Variants in PRUNE2 observed in about 807,000 individuals in gnomAD.
PRUNE2 encodes prune homolog 2 with BCH domain, also known as protein prune homolog 2.
PRUNE2 carries 164 observed loss-of-function variants against 252.0 expected under a neutral mutation model. The ratio of observed to expected loss-of-function variants is 0.65; its 90% CI spans 0.57 to 0.74. The LOEUF (loss-of-function observed/expected upper bound fraction) is 0.74. PRUNE2 is among the 30% of genes least tolerant of loss of function. The probability of loss-of-function intolerance (pLI) is 0.00; values close to 1 mark genes in which losing one functional copy is unlikely to be tolerated. For synonymous variants in PRUNE2, 1,292 were observed against 1,350.2 expected (o/e 0.96, Z 0.94); for missense variants, 3,495 against 3,711.0 (o/e 0.94, Z 1.51).
At chr9:76,817,868 C>T (rs894968134) in intron 6 of PRUNE2, 5 of 152,160 alleles carry the variant, frequency 3.3e-5, no homozygotes, top group African/African-American at 1.2e-4. Flanking sequence ...TCAACTTTTA[C>T]TGTAGCAAGG....
At chr9:76,733,960 A>C (rs901126021) in intron 6 of PRUNE2, among the ~76,000 whole-genome samples, 3 of 151,790 alleles carry the variant, frequency 2.0e-5, no homozygotes, top group Non-Finnish European at 2.9e-5. Context: ...GATAACGTTA[A>C]TGATTTCAGT....
At chr9:76,754,254 C>T (rs747962724) in intron 6 of PRUNE2, among the ~76,000 whole-genome samples, 2 of 151,994 alleles carry the variant, frequency 1.3e-5, no homozygotes, top group African/African-American at 2.4e-5. Context: ...TCAGAACCTG[C>T]TAATTTGTGG....
intron 9 of PRUNE2, among the ~76,000 whole-genome samples, chr9:76,677,767 A>T (rs2042860428): frequency 6.6e-6 from 1 of 152,082 alleles, no homozygotes; most frequent in African/African-American, 2.4e-5. Context: ...ACTTTCCTGG[A>T]GAAGTCCAGG....
At chr9:76,642,049 A>C in intron 12 of PRUNE2, 1 of 1,113,670 alleles carries the variant, frequency 9.0e-7, no homozygotes. Flanking sequence ...TCCTTGTTAA[A>C]ATTACTTGGC....
At chr9:76,684,845 G>A (rs188237364) in intron 9 of PRUNE2, among the ~76,000 whole-genome samples, 70 of 152,064 alleles carry the variant, frequency 4.6e-4, no homozygotes, top group Admixed American at 1.1e-3. Flanking sequence ...TCCACCTCCC[G>A]AGTTCAAGCA....
intron 4 of PRUNE2, among the ~76,000 whole-genome samples, chr9:76,839,312 C>G (rs2059250605): frequency 6.6e-6 from 1 of 152,156 alleles, no homozygotes; most frequent in Non-Finnish European, 1.5e-5. Flanking sequence ...GCACACAACA[C>G]AGAAAGTCTC....
chr9:76,853,654 C>A (rs1171428182), intron 2 of PRUNE2, among the ~76,000 whole-genome samples: 1 of 152,210 alleles, frequency 6.6e-6, no homozygotes, highest in Non-Finnish European at 1.5e-5. Context: ...ATACTCGTCA[C>A]TGAAAACTCT....
Position 76,638,092 on chromosome 9 carries a change from C to G in PRUNE2, c.8831+94G>C, listed in dbSNP as rs541991635. ...CTTTTCACTGAAGGCTTAGAACATT[C>G]TACATCATCTATTTTCTTTAATTAA... On this transcript the variant is annotated intron_variant, in intron 13 of 18. Transcript: ENST00000376718. 9.6e-5 allele frequency: 75 copies of G among 784,638 alleles called. No homozygotes were observed. In the African/African-American group the frequency reaches 1.1e-3, roughly 12 times the overall value. 48.6% of individuals were successfully genotyped at this position (784,638 alleles called of 1,614,324 possible).
chr9:76,738,782 A>C (rs1408361592), intron 6 of PRUNE2: 2 of 152,196 alleles, frequency 1.3e-5, no homozygotes, highest in Non-Finnish European at 2.9e-5. Context: ...TCTTCTTCTG[A>C]GTAACCAACT....
At chr9:76,629,102 C>G in intron 16 of PRUNE2, 90 bp downstream of exon 16, 2 of 732,372 alleles carry the variant, frequency 2.7e-6, no homozygotes, top group Non-Finnish European at 4.5e-6. Flanking sequence ...CTCAGCCTCC[C>G]AAAGTGCTAG....
At chr9:76,747,657 T>C (rs532034388) in intron 6 of PRUNE2, among the ~76,000 whole-genome samples, 50 of 152,268 alleles carry the variant, frequency 3.3e-4, no homozygotes, top group African/African-American at 1.1e-3. Flanking sequence ...GAAAATCAAC[T>C]GGTCCTCTTA....
chr9:76,624,814 C>T (rs1175436929), intron 16 of PRUNE2, among the ~76,000 whole-genome samples: 1 of 152,122 alleles, frequency 6.6e-6, no homozygotes, highest in African/African-American at 2.4e-5. Flanking sequence ...GCAGCCTGGG[C>T]CAAGTCAGGG....
Position 76,703,432 on chromosome 9 carries a change from T to A in PRUNE2, c.8181A>T (p.Ser2727=). ...VTHDNEWEML[S]PQPVQKNMIP... is the part of the protein sequence containing the mutation. ...TCATGTTTTTCTGAACAGGCTGTGG[T>A]GAAAGCATTTCCCATTCATTGTCAT... The change falls in exon 9 of 19, where the codon TCA becomes TCT. Residue 2727 remains serine (S), a synonymous_variant. Coordinates refer to ENST00000376718, the MANE Select transcript of PRUNE2 (RefSeq NM_015225.3). The A allele has an allele frequency of 6.2e-7, 1 of 1,613,890 alleles. No homozygotes were observed. The highest frequency in any genetic ancestry group is 8.5e-7 in the Non-Finnish European group (1 of 1,179,826).
rs55702049 is a variant in PRUNE2 at position 76,897,390 on chromosome 9, CTTTTTTTTTTTTT to C, written c.36+8525_36+8537del. Among the ~76,000 whole-genome samples, 342 of 56,302 alleles carry C rather than the reference CTTTTTTTTTTTTT, an allele frequency of 6.1e-3. 17 individuals carry two copies. Among genetic ancestry groups the C allele is most frequent in the African/African-American group, 0.018 (303 of 16,576 alleles). 36.9% of individuals were successfully genotyped at this position (56,302 alleles called of 152,430 possible). On this transcript the variant is annotated intron_variant, in intron 1 of 18. Coordinates refer to ENST00000376718, the MANE Select transcript of PRUNE2 (RefSeq NM_015225.3). The stretch of plus-strand genomic sequence containing the variant: ...TGGCTATGCAACCTTAGGCAAACCT[CTTTTTTTTTTTTT>C]TTTTTTTTTTTTTTTTTTTTTTTTG...
intron 3 of PRUNE2, among the ~76,000 whole-genome samples, chr9:76,848,870 GTTCT>G (rs2059803313): frequency 6.6e-6 from 1 of 152,134 alleles, no homozygotes; most frequent in Non-Finnish European, 1.5e-5. Context: ...ACTACATATG[GTTCT>G]TTGTTTTTAT....
At chr9:76,703,106 G>A (rs1392726224) in intron 9 of PRUNE2, among the ~76,000 whole-genome samples, 1 of 61,268 alleles carries the variant, frequency 1.6e-5, no homozygotes, top group Non-Finnish European at 3.7e-5. Context: ...TGGGGGGTAG[G>A]TATAAGACTG....
intron 4 of PRUNE2, among the ~76,000 whole-genome samples, chr9:76,844,126 T>A (rs2059545384): frequency 6.6e-6 from 1 of 152,228 alleles, no homozygotes; most frequent in South Asian, 2.1e-4. Flanking sequence ...TTGAGGTACC[T>A]CTTTAAAAGG....
rs138650669 is a variant in PRUNE2 at position 76,711,160 on chromosome 9, C to T, written c.1114G>A (p.Val372Met). ...SNSRTSSTEA[V>M]AGSAPLSQGS... ...TGGGAGAGGGGGGCACTGCCTGCCA[C>T]GGCTTCTGTTGAGGATGTCCGGCTA... Residue 372 changes from valine to methionine, a missense_variant, in exon 8 of 19, where the codon GTG (valine) becomes ATG (methionine). Val to Met is a conservative substitution (Grantham distance 21). Transcript: ENST00000376718. 1.2e-3 allele frequency: 1,983 copies of T among 1,613,950 alleles called. 26 individuals are homozygous for T. In the African/African-American group the frequency reaches 0.023, roughly 19 times the overall value.
intron 18 of PRUNE2, chr9:76,615,330 G>T: frequency 3.0e-6 from 2 of 657,608 alleles, no homozygotes; most frequent in African/African-American, 2.0e-5. Flanking sequence ...AGTTTGCAAA[G>T]GGTGATTTGG....
Sources: allele counts gnomAD v4.1 joint callset (sites outside exome capture counted in the v4.1 genomes callset), GRCh38; gene constraint gnomAD v4.1.1; transcripts MANE v1.5; gene names NCBI Gene and HGNC (gene_info 2026-07-23, HGNC 2026-07-21).